CMIP: variants seen among roughly 807,000 people sequenced by gnomAD.
The protein encoded by CMIP is c-Maf inducing protein.
In CMIP, 13 loss-of-function variants were observed where a neutral mutation model predicts 97.3. The ratio of observed to expected loss-of-function variants is 0.13; its 90% CI spans 0.09 to 0.21. CMIP has a LOEUF of 0.21. CMIP is among the 10% of genes least tolerant of loss of function. CMIP has a pLI of 1.00. For synonymous variants in CMIP, 538 were observed against 436.3 expected (o/e 1.23, Z -2.91); for missense variants, 847 against 1,024.9 (o/e 0.83, Z 2.37).
At chr16:81,696,840 C>G (rs376278009) in intron 14 of CMIP, 173 bp downstream of exon 14, 20 of 634,798 alleles carry the variant, frequency 3.2e-5, no homozygotes, top group East Asian at 2.8e-4. Flanking sequence ...CCGTGACTGT[C>G]ACTTACTCAT....
chr16:81,476,613 G>A (rs1183835892), intron 1 of CMIP: 1 of 428,156 alleles, frequency 2.3e-6, no homozygotes, highest in African/African-American at 2.0e-5. Flanking sequence ...ATCATTACTT[G>A]GGCCTTCTTG....
chr16:81,469,915 C>G (rs537639484), intron 1 of CMIP, among the ~76,000 whole-genome samples: 1 of 152,136 alleles, frequency 6.6e-6, no homozygotes, highest in Non-Finnish European at 1.5e-5. Flanking sequence ...TTGGGGTCCT[C>G]CTGTCTGCTG....
intron 1 of CMIP, among the ~76,000 whole-genome samples, chr16:81,527,630 C>T (rs897537882): frequency 2.0e-5 from 3 of 152,184 alleles, no homozygotes; most frequent in Non-Finnish European, 4.4e-5. Flanking sequence ...CGATAACTCT[C>T]CTGACCACAG....
intron 1 of CMIP, among the ~76,000 whole-genome samples, chr16:81,460,649 C>G (rs1316208871): frequency 1.3e-5 from 2 of 152,234 alleles, no homozygotes; most frequent in Non-Finnish European, 2.9e-5. Flanking sequence ...CCTCTGCCAT[C>G]TGTTTCCTCC....
intron 1 of CMIP, among the ~76,000 whole-genome samples, chr16:81,460,681 A>T (rs887273102): frequency 6.6e-6 from 1 of 152,170 alleles, no homozygotes. Context: ...CTGATGCACC[A>T]GGAGCTTGAG....
At chr16:81,481,997 G>A (rs1016111953) in intron 1 of CMIP, among the ~76,000 whole-genome samples, 2 of 151,716 alleles carry the variant, frequency 1.3e-5, no homozygotes, top group Non-Finnish European at 2.9e-5. Context: ...TTGTGCCTCA[G>A]CCTCCTGAGT....
chr16:81,693,584 C>A, intron 13 of CMIP, 97 bp downstream of exon 13: 2 of 1,323,820 alleles, frequency 1.5e-6, no homozygotes, highest in Non-Finnish European at 1.0e-6. Flanking sequence ...CACCAACAGG[C>A]ATTCAGAACA....
chr16:81,707,426 T>A (rs1270401250), intron 20 of CMIP, among the ~76,000 whole-genome samples: 1 of 152,156 alleles, frequency 6.6e-6, no homozygotes, highest in East Asian at 1.9e-4. Context: ...GAGGCCTGGC[T>A]TTGCAGCAAA....
In CMIP at chr16:81,696,244, C is replaced by A. The variant is rs1906704835; in HGVS notation, c.1531-316C>A. 2.3e-5 allele frequency: 10 copies of A among 443,332 alleles called. No homozygotes were observed. In the South Asian group the frequency reaches 2.4e-4, roughly 11 times the overall value. The allele number at this position is 443,332 out of a possible 1,614,324, so 27.5% of individuals were successfully genotyped here. On this transcript the variant is annotated intron_variant, in intron 13 of 20. Coordinates refer to ENST00000537098, the MANE Select transcript of CMIP (RefSeq NM_198390.3). ...AAAAGGGGCTGATTGTGGGCGGTTG[C>A]TCTGGGCATCTCTACCTGCTGCAGC... is the stretch of plus-strand genomic sequence containing the variant.
intron 10 of CMIP, among the ~76,000 whole-genome samples, chr16:81,678,974 G>A (rs145393483): frequency 2.8e-4 from 42 of 152,356 alleles, no homozygotes; most frequent in Non-Finnish European, 5.0e-4. Context: ...GCATGCCCAA[G>A]CATACATGTG....
intron 1 of CMIP, among the ~76,000 whole-genome samples, chr16:81,493,890 G>T (rs2089445500): frequency 6.6e-6 from 1 of 152,178 alleles, no homozygotes; most frequent in South Asian, 2.1e-4. Context: ...CACGCGGCCT[G>T]TCACCCGCCG....
intron 1 of CMIP, among the ~76,000 whole-genome samples, chr16:81,547,014 G>T (rs1278095954): frequency 3.3e-5 from 5 of 152,100 alleles, no homozygotes; most frequent in African/African-American, 1.2e-4. Context: ...ACAGCCTTGC[G>T]GTATTAAAGA....
intron 1 of CMIP, among the ~76,000 whole-genome samples, chr16:81,533,218 GC>G (rs2150826142): frequency 6.6e-6 from 1 of 152,258 alleles, no homozygotes; most frequent in South Asian, 2.1e-4. Flanking sequence ...CACTAGAAAG[GC>G]AGGGGTTTGC....
intron 1 of CMIP, among the ~76,000 whole-genome samples, chr16:81,469,864 G>A (rs568799140): frequency 6.6e-6 from 1 of 152,212 alleles, no homozygotes; most frequent in Non-Finnish European, 1.5e-5. Context: ...TTCCCTGAAT[G>A]TCTTGGAGGA....
Position 81,445,206 on chromosome 16 carries a change from C to T in CMIP, c.-36C>T, listed in dbSNP as rs1458185628. On this transcript the variant is annotated 5_prime_UTR_variant, in exon 1 of 21. Transcript: ENST00000537098. Reference sequence around the variant, plus strand: ...CGCCCCAGCAGCCCAGGACAGCCCCCTCTCCCCGCCCCCAGCCCCCTCCCC... The same window carrying T: ...CGCCCCAGCAGCCCAGGACAGCCCCTTCTCCCCGCCCCCAGCCCCCTCCCC... 17 of 1,435,940 alleles carry T rather than the reference C, an allele frequency of 1.2e-5. No individual in the cohort carries two copies. The highest frequency in any genetic ancestry group is 1.6e-5 in the Non-Finnish European group (17 of 1,083,666). 88.9% of individuals were successfully genotyped at this position (1,435,940 alleles called of 1,614,324 possible). A position where few individuals can be genotyped will look rare whatever the true frequency, so the allele number is the denominator to read the frequency against.
intron 6 of CMIP, 79 bp downstream of exon 6, chr16:81,661,025 A>G (rs1401274323): frequency 6.4e-7 from 1 of 1,574,026 alleles, no homozygotes; most frequent in African/African-American, 1.3e-5. Flanking sequence ...GGGTTTGCAC[A>G]GAAAGGCCAA....
chr16:81,470,478 T>C (rs897290393), intron 1 of CMIP, among the ~76,000 whole-genome samples: 1 of 152,194 alleles, frequency 6.6e-6, no homozygotes, highest in Non-Finnish European at 1.5e-5. Context: ...AGCTTTCTTT[T>C]CCCTTGGGTT....
At chr16:81,553,482 C>G (rs551036028) in intron 1 of CMIP, among the ~76,000 whole-genome samples, 3 of 151,668 alleles carry the variant, frequency 2.0e-5, no homozygotes, top group African/African-American at 4.8e-5. Flanking sequence ...TCAGAGTCGT[C>G]TGATGAAGAG....
At chr16:81,549,998 CT>C (rs1405638448) in intron 1 of CMIP, among the ~76,000 whole-genome samples, 1 of 152,234 alleles carries the variant, frequency 6.6e-6, no homozygotes, top group African/African-American at 2.4e-5. Flanking sequence ...TTTAAATGCG[CT>C]CACCCGTGTG....
Sources: allele counts gnomAD v4.1 joint callset (sites outside exome capture counted in the v4.1 genomes callset), GRCh38; gene constraint gnomAD v4.1.1; transcripts MANE v1.5; gene names NCBI Gene and HGNC (gene_info 2026-07-23, HGNC 2026-07-21).